NRG1: variants seen among roughly 807,000 people sequenced by gnomAD.
The protein encoded by NRG1 is pro-neuregulin-1, membrane-bound isoform.
Under a neutral mutation model 63.8 loss-of-function variants are expected in NRG1, and 18 were observed. The ratio of observed to expected loss-of-function variants is 0.28; its 90% confidence interval spans 0.19 to 0.42. The LOEUF (loss-of-function observed/expected upper bound fraction) is 0.42, where lower values mean the gene tolerates loss of function less well. Among genes scored for constraint, NRG1 ranks in the 10% least tolerant of loss-of-function variants. NRG1 has a pLI of 1.00. For synonymous variants in NRG1, 302 were observed against 301.3 expected (o/e 1.00, Z -0.02); for missense variants, 762 against 814.7 (o/e 0.94, Z 0.79).
chr8:32,764,560 A>G lies in NRG1; in HGVS notation c.*158A>G, dbSNP rs938792124. ...AAATATATGTATGTAAAAATGTGTT[A>G]TGTGCCATATGTAGCAATTTTTTAC... On this transcript the variant is annotated 3_prime_UTR_variant, in exon 12 of 12. Coordinates refer to ENST00000356819, the Ensembl canonical transcript of NRG1. 1.4e-5 allele frequency: 9 copies of G among 622,554 alleles called. No homozygotes were observed. The African/African-American group carries it at 1.7e-4, about 12-fold the overall frequency. 38.6% of individuals were successfully genotyped at this position (622,554 alleles called of 1,614,324 possible). A position where few individuals can be genotyped will look rare whatever the true frequency, so the allele number is the denominator to read the frequency against.
intron 1 of NRG1, among the ~76,000 whole-genome samples, chr8:32,207,074 T>C (rs1844142694): frequency 6.6e-6 from 1 of 152,224 alleles, no homozygotes. Context: ...ACTGTGTTCC[T>C]TTTATTTACT....
At chr8:31,976,033 G>A (rs1305907341) in intron 1 of NRG1, among the ~76,000 whole-genome samples, 1 of 152,116 alleles carries the variant, frequency 6.6e-6, no homozygotes, top group East Asian at 1.9e-4. Context: ...AGACCCTTGG[G>A]AGCTTACCTA....
chr8:32,735,609 A>G (rs1370858381), intron 6 of NRG1, among the ~76,000 whole-genome samples: 1 of 152,198 alleles, frequency 6.6e-6, no homozygotes, highest in Non-Finnish European at 1.5e-5. Context: ...ACAAATTAGC[A>G]GTCGATATGT....
At chr8:32,269,048 T>TCCTCCTTC (rs781464793) in intron 1 of NRG1, among the ~76,000 whole-genome samples, 2 of 151,994 alleles carry the variant, frequency 1.3e-5, no homozygotes, top group African/African-American at 4.8e-5. Flanking sequence ...CTCTGTACAT[T>TCCTCCTTC]CCTCCTTCCC....
intron 1 of NRG1, among the ~76,000 whole-genome samples, chr8:32,180,553 T>C (rs73232255): frequency 0.085 from 12,923 of 152,168 alleles, 665 homozygotes; most frequent in East Asian, 0.26. Context: ...TATTTCAGTA[T>C]GTCTGTGGTT....
chr8:32,061,798 A>G (rs1823920509), intron 1 of NRG1: 1 of 152,056 alleles, frequency 6.6e-6, no homozygotes, highest in Non-Finnish European at 1.5e-5. Context: ...GACCCTTGCT[A>G]CATAGAGAGG....
intron 1 of NRG1, among the ~76,000 whole-genome samples, chr8:32,558,108 C>G (rs567469702): frequency 6.6e-6 from 1 of 152,178 alleles, no homozygotes; most frequent in South Asian, 2.1e-4. Context: ...CTATCGTTCT[C>G]CAGGAATCAA....
At chr8:32,764,108 T>C (rs1831193125) in exon 12 of NRG1, 1 of 1,614,000 alleles carries the variant, frequency 6.2e-7, no homozygotes, top group Non-Finnish European at 8.5e-7. Context: ...AACTCGCCAA[T>C]AGCCGGCGGG....
intron 1 of NRG1, among the ~76,000 whole-genome samples, chr8:31,992,724 AGACATTGTGTAG>A (rs1811302043): frequency 6.6e-6 from 1 of 152,070 alleles, no homozygotes; most frequent in African/African-American, 2.4e-5. Context: ...AATTAATAAA[AGACATTGTGTAG>A]GACAGTATAT....
At chr8:32,038,114 C>A (rs1258403147) in intron 1 of NRG1, among the ~76,000 whole-genome samples, 1 of 152,224 alleles carries the variant, frequency 6.6e-6, no homozygotes, top group East Asian at 1.9e-4. Context: ...TGTTTTGGAC[C>A]CAAGGCCCTT....
Position 32,336,652 on chromosome 8 carries a change from CA to C in NRG1, c.38-259175del, listed in dbSNP as rs562849048. ...TGAGACAAAGTCTTGCTCTGTCACC[CA>C]GGCTGAAGTGCAGTGGCACAATCTG... is the stretch of plus-strand genomic sequence containing the variant. On this transcript the variant is annotated intron_variant, in intron 1 of 10. Coordinates refer to the NRG1 transcript ENST00000519301. 1.2e-3 allele frequency among the ~76,000 whole-genome samples: 185 copies of C among 152,254 alleles called. 1 individual carries two copies. The highest frequency in any genetic ancestry group is 4.4e-3 in the African/African-American group (182 of 41,540).
chr8:32,179,313 C>G (rs1841176094), intron 1 of NRG1, among the ~76,000 whole-genome samples: 1 of 151,912 alleles, frequency 6.6e-6, no homozygotes, highest in Non-Finnish European at 1.5e-5. Context: ...AGACGCTTCA[C>G]CTCCCTGACA....
intron 1 of NRG1, among the ~76,000 whole-genome samples, chr8:32,496,194 C>T (rs919534105): frequency 1.3e-5 from 2 of 152,124 alleles, no homozygotes; most frequent in Non-Finnish European, 1.5e-5. Flanking sequence ...AGCTCTTCCC[C>T]TTAAGCAGTA....
chr8:32,274,908 C>CA (rs2129472723), intron 1 of NRG1, among the ~76,000 whole-genome samples: 1 of 152,248 alleles, frequency 6.6e-6, no homozygotes, highest in African/African-American at 2.4e-5. Flanking sequence ...TTTTCCCCTT[C>CA]AAAAAACTTC....
intron 1 of NRG1, among the ~76,000 whole-genome samples, chr8:32,486,627 A>AATTTTTTTTTTTTTT (rs71208187): frequency 6.9e-6 from 1 of 145,518 alleles, no homozygotes. Context: ...GAATTGCTGG[A>AATTTTTTTTTTTTTT]TTTTTTTTTT....
intron 1 of NRG1, among the ~76,000 whole-genome samples, chr8:32,356,332 T>C (rs1395359789): frequency 6.6e-6 from 1 of 152,140 alleles, no homozygotes; most frequent in Non-Finnish European, 1.5e-5. Context: ...GATCAGGCTA[T>C]ATAAAATCAT....
chr8:32,610,729 T>C (rs1240359265), intron 3 of NRG1, among the ~76,000 whole-genome samples: 2 of 152,190 alleles, frequency 1.3e-5, no homozygotes, highest in Non-Finnish European at 2.9e-5. Flanking sequence ...AGAAAGTAAT[T>C]TATCCTGTAG....
intron 1 of NRG1, among the ~76,000 whole-genome samples, chr8:32,437,581 G>C (rs987332461): frequency 6.6e-6 from 1 of 152,146 alleles, no homozygotes; most frequent in Non-Finnish European, 1.5e-5. Context: ...TTCATGACTG[G>C]TTTTCACAAA....
chr8:32,401,522 A>G (rs940919716), intron 1 of NRG1, among the ~76,000 whole-genome samples: 2 of 152,114 alleles, frequency 1.3e-5, no homozygotes, highest in Non-Finnish European at 2.9e-5. Flanking sequence ...AAGGCTTTGC[A>G]TTCTATAGTC....
Sources: allele counts gnomAD v4.1 joint callset (sites outside exome capture counted in the v4.1 genomes callset), GRCh38; gene constraint gnomAD v4.1.1; transcripts MANE v1.5; gene names NCBI Gene and HGNC (gene_info 2026-07-23, HGNC 2026-07-21).